FAAH2: variants seen among roughly 807,000 people sequenced by gnomAD.
FAAH2 encodes fatty-acid amide hydrolase 2.
FAAH2 carries 60 observed loss-of-function variants against 36.9 expected under a neutral mutation model. That is an observed-to-expected ratio of 1.63 (90% confidence interval 1.32 to 2.02). FAAH2 has a LOEUF of 2.02. FAAH2 is among the 30% of genes most tolerant of loss of function. The pLI, the probability that FAAH2 is intolerant of heterozygous loss-of-function variation, is 0.00. For missense variants in FAAH2, 689 were observed against 397.5 expected (o/e 1.73, Z -6.23); for synonymous variants, 214 against 143.8 (o/e 1.49, Z -3.49).
At chrX:57,195,299 C>G in the FAAH2 span, among the ~76,000 whole-genome samples, 3 of 111,554 alleles carry the variant, frequency 2.7e-5, no homozygotes, top group Non-Finnish European at 5.7e-5. Context: ...TAAATTATCG[C>G]CATTCTTGTA....
At chrX:57,320,899 G>A (rs951109249) in intron 3 of FAAH2, among the ~76,000 whole-genome samples, 1 of 112,070 alleles carries the variant, frequency 8.9e-6, no homozygotes. Context: ...ACCACTTTGG[G>A]AGGCCAAGGC....
chrX:57,328,354 C>T (rs182278847), intron 3 of FAAH2, among the ~76,000 whole-genome samples: 1,136 of 111,523 alleles, frequency 0.01, 6 homozygotes, highest in Non-Finnish European at 0.017. Flanking sequence ...AACCACTATG[C>T]CACTTGTTAT....
the FAAH2 span, among the ~76,000 whole-genome samples, chrX:57,271,530 G>A: frequency 1.8e-5 from 2 of 112,106 alleles, no homozygotes; most frequent in Non-Finnish European, 3.8e-5. Context: ...GCTGGCATCT[G>A]GAAGGTGTAC....
At chrX:57,400,827 G>C (rs2055414213) in intron 7 of FAAH2, among the ~76,000 whole-genome samples, 1 of 112,429 alleles carries the variant, frequency 8.9e-6, no homozygotes, top group Admixed American at 9.4e-5. Context: ...GGAAATTTAA[G>C]AACACTTGGG....
the FAAH2 span, among the ~76,000 whole-genome samples, chrX:57,238,691 G>A: frequency 4.5e-5 from 5 of 111,830 alleles, no homozygotes; most frequent in African/African-American, 1.6e-4. Flanking sequence ...ACAGGTGAAA[G>A]TTTGTTACCT....
At chrX:57,377,891 A>T (rs996537180) in intron 5 of FAAH2, among the ~76,000 whole-genome samples, 23 of 111,297 alleles carry the variant, frequency 2.1e-4, no homozygotes, top group African/African-American at 7.5e-4. Context: ...TAGATATTTT[A>T]TTTTCTTTTT....
the FAAH2 span, among the ~76,000 whole-genome samples, chrX:57,185,505 T>C: frequency 1.8e-5 from 2 of 109,215 alleles, no homozygotes; most frequent in African/African-American, 3.3e-5. Flanking sequence ...TGTGTGTGTG[T>C]GTGTGTGTGT....
chrX:57,168,563 C>A, the FAAH2 span, among the ~76,000 whole-genome samples: 1 of 112,038 alleles, frequency 8.9e-6, no homozygotes, highest in Non-Finnish European at 1.9e-5. Context: ...TTGTAACCTC[C>A]AATTCAAACA....
At position 57,405,475 on chromosome X, in the gene FAAH2, C is replaced by T. The variant is rs186128552; in HGVS notation, c.996+24446C>T. 7.3e-5 allele frequency among the ~76,000 whole-genome samples: 8 copies of T among 109,163 alleles called. 1 individual carries two copies. Among genetic ancestry groups the T allele is most frequent in the South Asian group, 4.1e-4 (1 of 2,468 alleles). 94.8% of individuals were successfully genotyped at this position (109,163 alleles called of 115,157 possible). The stretch of plus-strand genomic sequence containing the variant: ...GGTGAGTCTTTAGCCCGATTGGGAG[C>T]GGCAATGGGCACCTCGCTGGATCAG... On this transcript the variant is annotated intron_variant, in intron 7 of 10. Coordinates refer to ENST00000374900, the MANE Select transcript of FAAH2 (RefSeq NM_174912.4).
rs778627371 is a variant in FAAH2, at chrX:57,395,746, A to G, written c.996+14717A>G. Among the ~76,000 whole-genome samples the G allele has an allele frequency of 8.1e-5, 9 of 111,490 alleles. No homozygotes were observed. The South Asian group carries it at 2.3e-3, about 28-fold the overall frequency. Reference sequence around the variant, plus strand: ...ATGGCTTGATGTACTGTTTGTTTAAATTTGCTAATATTTTATTGTGGATTT... The same window carrying G: ...ATGGCTTGATGTACTGTTTGTTTAAGTTTGCTAATATTTTATTGTGGATTT... On this transcript the variant is annotated intron_variant, in intron 7 of 10. Coordinates refer to ENST00000374900, the MANE Select transcript of FAAH2 (RefSeq NM_174912.4).
intron 3 of FAAH2, among the ~76,000 whole-genome samples, chrX:57,324,308 G>C (rs1052587924): frequency 8.9e-6 from 1 of 111,918 alleles, no homozygotes; most frequent in African/African-American, 3.3e-5. Flanking sequence ...ACTTAGGATT[G>C]ATTTGGCAAT....
chrX:57,289,100 T>C (rs1168119775), intron 1 of FAAH2, among the ~76,000 whole-genome samples: 1 of 112,100 alleles, frequency 8.9e-6, no homozygotes, highest in East Asian at 2.8e-4. Flanking sequence ...CATAATGACA[T>C]TTTGAGGTAC....
intron 7 of FAAH2, among the ~76,000 whole-genome samples, chrX:57,429,338 C>CA (rs34604723): frequency 0.32 from 17,167 of 52,830 alleles, 2,163 homozygotes; most frequent in Middle Eastern, 0.44. Context: ...GATTCCATCT[C>CA]AAAAAAAAAA....
At chrX:57,201,430 A>G in the FAAH2 span, among the ~76,000 whole-genome samples, 1 of 103,028 alleles carries the variant, frequency 9.7e-6, no homozygotes, top group Admixed American at 9.9e-5. Flanking sequence ...TTTTTACTCC[A>G]TAAAAAAAAA....
the FAAH2 span, among the ~76,000 whole-genome samples, chrX:57,154,387 C>G: frequency 9.3e-6 from 1 of 107,385 alleles, no homozygotes; most frequent in Non-Finnish European, 1.9e-5. Flanking sequence ...CCTCAGCCTC[C>G]TGAGTAGCTG....
chrX:57,296,472 C>A (rs961351054), intron 2 of FAAH2, among the ~76,000 whole-genome samples: 2 of 111,015 alleles, frequency 1.8e-5, no homozygotes, highest in African/African-American at 6.6e-5. Flanking sequence ...CATCAAAGAC[C>A]AAAGATAGAT....
the FAAH2 span, among the ~76,000 whole-genome samples, chrX:57,196,401 A>T: frequency 8.9e-6 from 1 of 111,975 alleles, no homozygotes; most frequent in Non-Finnish European, 1.9e-5. Flanking sequence ...TAATTTGTGT[A>T]CATTAATTTT....
At chrX:57,456,911 G>A (rs987665176) in intron 10 of FAAH2, among the ~76,000 whole-genome samples, 1 of 111,495 alleles carries the variant, frequency 9.0e-6, no homozygotes, top group Non-Finnish European at 1.9e-5. Context: ...CAAGAAAATC[G>A]AAGAAGAGTC....
intron 8 of FAAH2, among the ~76,000 whole-genome samples, chrX:57,441,882 C>T (rs759658346): frequency 9.0e-6 from 1 of 111,415 alleles, no homozygotes. Context: ...TAGTCATTCA[C>T]GAGCAGGTTG....
Sources: allele counts gnomAD v4.1 joint callset (sites outside exome capture counted in the v4.1 genomes callset), GRCh38; gene constraint gnomAD v4.1.1; transcripts MANE v1.5; gene names NCBI Gene and HGNC (gene_info 2026-07-23, HGNC 2026-07-21).